NEURL1: variants seen among roughly 807,000 people sequenced by gnomAD.
NEURL1 encodes the protein E3 ubiquitin-protein ligase NEURL1.
Under a neutral mutation model 41.2 loss-of-function variants are expected in NEURL1, and 26 were observed. The ratio of observed to expected loss-of-function variants is 0.63; its 90% CI spans 0.46 to 0.87. The LOEUF is 0.87. Among genes scored for constraint, NEURL1 ranks in the 40% least tolerant of loss-of-function variants. The probability of loss-of-function intolerance (pLI) is 0.00; values close to 1 mark genes in which losing one functional copy is unlikely to be tolerated. For missense variants in NEURL1, 761 were observed against 871.1 expected (o/e 0.87, Z 1.59); for synonymous variants, 400 against 402.3 (o/e 0.99, Z 0.07).
intron 1 of NEURL1, among the ~76,000 whole-genome samples, chr10:103,500,605 C>G (rs531896092): frequency 6.6e-6 from 1 of 152,230 alleles, no homozygotes; most frequent in Non-Finnish European, 1.5e-5. Flanking sequence ...TTGATGCTTT[C>G]TCCCTTGGCT....
At chr10:103,515,496 G>C (rs2034183961) in intron 1 of NEURL1, 1 of 152,242 alleles carries the variant, frequency 6.6e-6, no homozygotes, top group Non-Finnish European at 1.5e-5. Flanking sequence ...AGGAGATGCT[G>C]CATTGTTTAC....
intron 1 of NEURL1, among the ~76,000 whole-genome samples, chr10:103,547,852 G>A (rs1357402976): frequency 6.6e-6 from 1 of 151,768 alleles, no homozygotes; most frequent in Non-Finnish European, 1.5e-5. Flanking sequence ...GTGTGTTTCC[G>A]CATCTCGGAT....
intron 1 of NEURL1, among the ~76,000 whole-genome samples, chr10:103,525,811 C>T (rs2133857013): frequency 6.6e-6 from 1 of 152,204 alleles, no homozygotes; most frequent in South Asian, 2.1e-4. Context: ...AGTGGGCTTT[C>T]TTGTCTTGTT....
intron 1 of NEURL1, among the ~76,000 whole-genome samples, chr10:103,551,126 C>T (rs572201455): frequency 7.9e-5 from 12 of 152,152 alleles, no homozygotes; most frequent in Non-Finnish European, 8.8e-5. Context: ...CCTGTTACCC[C>T]GTCCATGCCC....
At chr10:103,589,460 C>T in intron 4 of NEURL1, 54 bp from the exon 5 acceptor site, 2 of 1,528,952 alleles carry the variant, frequency 1.3e-6, no homozygotes, top group Non-Finnish European at 8.8e-7. Flanking sequence ...GAGCTTTCTC[C>T]AGTTTGGCCT....
At chr10:103,548,599 A>G (rs955306561) in intron 1 of NEURL1, among the ~76,000 whole-genome samples, 2 of 152,200 alleles carry the variant, frequency 1.3e-5, no homozygotes. Flanking sequence ...CTGGGATTAC[A>G]GGTGTGAGCC....
At chr10:103,510,684 G>T (rs1236553917) in intron 1 of NEURL1, among the ~76,000 whole-genome samples, 4 of 152,196 alleles carry the variant, frequency 2.6e-5, no homozygotes, top group Non-Finnish European at 5.9e-5. Flanking sequence ...CCCTGGCTGG[G>T]CTGACCCCTG....
In NEURL1 at chr10:103,508,222, C is replaced by A. The variant is rs2033991679; in HGVS notation, c.85+13750C>A. Among the ~76,000 whole-genome samples, 2 of 152,158 alleles carry A rather than the reference C, an allele frequency of 1.3e-5. No homozygotes were observed. The highest frequency in any genetic ancestry group is 4.8e-5 in the African/African-American group (2 of 41,434). ...CCCTCGAATTTGAAAAGCATGTAAC[C>A]AACCCCTCTCCCCTCCCATGACAGA... On this transcript the variant is annotated intron_variant, in intron 1 of 5. Coordinates refer to ENST00000369780, the MANE Select transcript of NEURL1 (RefSeq NM_004210.5). This position sits in a 1 kb window ranked among gnomAD's most constrained non-coding sequence, Gnocchi z 4.3.
Position 103,556,477 on chromosome 10 carries a change from A to G in NEURL1, c.86-14395A>G, listed in dbSNP as rs1157442566. Among the ~76,000 whole-genome samples, 1 of 152,014 alleles carries G rather than the reference A, an allele frequency of 6.6e-6. No homozygotes were observed. The highest frequency in any genetic ancestry group is 1.5e-5 in the Non-Finnish European group (1 of 67,994). ...CTGCCGAGTCCAGTGGGCACTGAGGAGCCTGGGAGAGGCTCAGGAAGGAAG... is the reference window on the plus strand; with the variant it reads ...CTGCCGAGTCCAGTGGGCACTGAGGGGCCTGGGAGAGGCTCAGGAAGGAAG... On this transcript the variant is annotated intron_variant, in intron 1 of 5. Coordinates refer to ENST00000369780, the MANE Select transcript of NEURL1 (RefSeq NM_004210.5). The surrounding 1 kb of genome is among the most constrained non-coding windows in gnomAD (Gnocchi z 4.4).
chr10:103,518,833 G>C (rs2034276687), intron 1 of NEURL1, among the ~76,000 whole-genome samples: 1 of 152,198 alleles, frequency 6.6e-6, no homozygotes, highest in Non-Finnish European at 1.5e-5. Flanking sequence ...GTTACCAGGG[G>C]CTACCTCTGG....
intron 1 of NEURL1, among the ~76,000 whole-genome samples, chr10:103,549,748 C>T (rs1039929805): frequency 1.3e-5 from 2 of 152,178 alleles, no homozygotes; most frequent in African/African-American, 4.8e-5. Context: ...CTAGTCACTT[C>T]CCCCTACTTC....
chr10:103,571,213 C>T (rs2133877611), intron 2 of NEURL1, 100 bp downstream of exon 2: 5 of 1,213,908 alleles, frequency 4.1e-6, no homozygotes, highest in South Asian at 4.1e-5. Context: ...CTGCCTGCTG[C>T]CACCCCCAGC....
chr10:103,511,425 A>G (rs150176778), intron 1 of NEURL1, among the ~76,000 whole-genome samples: 1 of 152,324 alleles, frequency 6.6e-6, no homozygotes, highest in Non-Finnish European at 1.5e-5. Flanking sequence ...CTCCAGCAGC[A>G]TCTGAGGGGA....
chr10:103,565,018 G>A (rs1365403461), intron 1 of NEURL1, among the ~76,000 whole-genome samples: 2 of 152,162 alleles, frequency 1.3e-5, no homozygotes, highest in African/African-American at 4.8e-5. Flanking sequence ...AGCGCATCGC[G>A]GCCCCAGCCC....
Position 103,556,482 on chromosome 10 carries a change from G to C in NEURL1, c.86-14390G>C, listed in dbSNP as rs1414148767. Among the ~76,000 whole-genome samples the C allele has an allele frequency of 1.3e-5, 2 of 152,156 alleles. No homozygotes were observed. The highest frequency in any genetic ancestry group is 1.3e-4 in the Admixed American group (2 of 15,290). On this transcript the variant is annotated intron_variant, in intron 1 of 5. Transcript: ENST00000369780. This position sits in a 1 kb window ranked among gnomAD's most constrained non-coding sequence, Gnocchi z 4.4. ...GAGTCCAGTGGGCACTGAGGAGCCT[G>C]GGAGAGGCTCAGGAAGGAAGGAGGG...
Position 103,590,122 on chromosome 10 carries a change from C to A in NEURL1, c.1487-12C>A. The A allele has an allele frequency of 6.2e-7, 1 of 1,612,682 alleles. No individual in the cohort carries two copies. On this transcript the variant is annotated splice_polypyrimidine_tract_variant and intron_variant, in intron 5 of 5. Transcript: ENST00000369780. ...CCATGTCTCCTCCTGACTGGTGCCC[C>A]CTTGTCCTCAGGGACAGCCCCCAAT... is the stretch of plus-strand genomic sequence containing the variant.
chr10:103,500,433 C>G (rs2033796776), intron 1 of NEURL1, among the ~76,000 whole-genome samples: 1 of 152,184 alleles, frequency 6.6e-6, no homozygotes, highest in Admixed American at 6.5e-5. Flanking sequence ...AGCCAGGGCT[C>G]TCAGACTTTA....
intron 1 of NEURL1, among the ~76,000 whole-genome samples, chr10:103,529,045 A>G (rs1012085481): frequency 2.0e-5 from 3 of 152,250 alleles, no homozygotes; most frequent in African/African-American, 7.2e-5. Flanking sequence ...GCAGAAAAAA[A>G]CTAAAAAACA....
At chr10:103,531,480 C>A (rs1029160377) in intron 1 of NEURL1, among the ~76,000 whole-genome samples, 8 of 151,900 alleles carry the variant, frequency 5.3e-5, no homozygotes, top group South Asian at 4.2e-4. Context: ...CCTCAAGCTA[C>A]CCTCCTGCTG....
Sources: gnomAD v4.1 joint callset for allele counts (sites outside exome capture counted in the v4.1 genomes callset) on GRCh38, gnomAD v4.1.1 for gene constraint, Gnocchi (gnomAD v3.1) non-coding constraint, MANE v1.5 for transcripts, NCBI Gene and HGNC (gene_info 2026-07-23, HGNC 2026-07-21) for gene names.